Variants in ANAPC7 observed in about 807,000 individuals in gnomAD.
ANAPC7 encodes anaphase-promoting complex subunit 7.
A neutral mutation model predicts 63.3 loss-of-function variants in ANAPC7; 25 were observed. The observed-to-expected ratio is 0.39, with a 90% CI of 0.29 to 0.55. The LOEUF is 0.55. Among genes scored for constraint, ANAPC7 ranks in the 20% least tolerant of loss-of-function variants. ANAPC7 has a pLI of 0.57. For synonymous variants in ANAPC7, 241 were observed against 251.7 expected (o/e 0.96, Z 0.40); for missense variants, 516 against 691.7 (o/e 0.75, Z 2.85).
intron 10 of ANAPC7, among the ~76,000 whole-genome samples, chr12:110,374,592 C>T (rs893148094): frequency 1.3e-5 from 2 of 152,058 alleles, no homozygotes; most frequent in South Asian, 4.1e-4. Flanking sequence ...TTTTTCATAC[C>T]TATTACCCCT....
At chr12:110,392,136 A>C (rs1566273790) in intron 3 of ANAPC7, among the ~76,000 whole-genome samples, 3 of 151,500 alleles carry the variant, frequency 2.0e-5, no homozygotes, top group African/African-American at 7.3e-5. Context: ...CAAAAGGAAG[A>C]TACCTTGAGC....
At chr12:110,377,698 T>C in intron 8 of ANAPC7, 81 bp from the exon 9 acceptor site, 3 of 1,588,692 alleles carry the variant, frequency 1.9e-6, no homozygotes, top group Non-Finnish European at 2.6e-6. Flanking sequence ...CTCTCCAAAT[T>C]GCTAACCTTC....
At position 110,374,137 on chromosome 12, in the gene ANAPC7, C is replaced by T. The variant is rs748508339; in HGVS notation, c.*7G>A. ...CAGGCCACTGCGGCCATGGAGCTGC[C>T]GCCCCCTCACTGCATGCCGAACCAC... On this transcript the variant is annotated 3_prime_UTR_variant, in exon 11 of 11. Coordinates refer to ENST00000455511, the MANE Select transcript of ANAPC7 (RefSeq NM_016238.3). 3.1e-6 allele frequency: 5 copies of T among 1,602,916 alleles called. No homozygotes were observed. Among genetic ancestry groups the T allele is most frequent in the East Asian group, 2.2e-5 (1 of 44,812 alleles).
At chr12:110,401,350 C>A (rs1340152375) in intron 1 of ANAPC7, among the ~76,000 whole-genome samples, 1 of 152,150 alleles carries the variant, frequency 6.6e-6, no homozygotes, top group Admixed American at 6.5e-5. Flanking sequence ...AGGTTGTACT[C>A]ACTTCCTCAA....
chr12:110,387,565 A>G, intron 5 of ANAPC7, 174 bp downstream of exon 5: 1 of 654,424 alleles, frequency 1.5e-6, no homozygotes, highest in African/African-American at 1.8e-5. Context: ...TCCAACAGAG[A>G]TGATTACATG....
rs772400319 is a variant in ANAPC7, at chr12:110,377,500, C to A, written c.1250G>T (p.Cys417Phe). Residue 417 changes from cysteine (C) to phenylalanine (F), a missense_variant, in exon 9 of 11, where the codon TGT becomes TTT. This residue lies in a region of ANAPC7 where 122 missense variants were observed against 212.0 expected (regional missense o/e 0.58). Transcript: ENST00000455511. ...CTCCTGTGTCACTGGGTCTTCAAGACAAACGGTGGCTAAAAGGGTAAGGGT... is the reference window on the plus strand; with the variant it reads ...CTCCTGTGTCACTGGGTCTTCAAGAAAAACGGTGGCTAAAAGGGTAAGGGT... The part of the protein sequence containing the change: ...AQTLTLLATV[C>F]LEDPVTQEKA... 1 of 1,614,184 alleles carries A rather than the reference C, an allele frequency of 6.2e-7. No individual in the cohort carries two copies. The highest frequency in any genetic ancestry group is 8.5e-7 in the Non-Finnish European group (1 of 1,180,042).
chr12:110,398,235 ACT>A (rs1346877210), intron 1 of ANAPC7, among the ~76,000 whole-genome samples: 1 of 151,780 alleles, frequency 6.6e-6, no homozygotes, highest in African/African-American at 2.4e-5. Flanking sequence ...GACAAGTGAA[ACT>A]CTGTCTCAAA....
intron 6 of ANAPC7, among the ~76,000 whole-genome samples, chr12:110,383,495 CTGG>C (rs1317799306): frequency 1.3e-5 from 2 of 151,772 alleles, no homozygotes; most frequent in African/African-American, 4.8e-5. Flanking sequence ...TCCTGGCACT[CTGG>C]GTGGCAGAGG....
In ANAPC7 at chr12:110,377,442, G is replaced by A. The variant is rs1383542089; in HGVS notation, c.1308C>T (p.Thr436=). The part of the protein sequence containing the change: ...KAKTLLDKAL[T]QRPDYIKAVV... ...CAGCCTTAATGTAATCTGGCCTTTG[G>A]GTCAGGGCTTTATCTAATAATGTTT... Residue 436 remains threonine, a synonymous_variant, in exon 9 of 11, where the codon ACC becomes ACT. Transcript: ENST00000455511. 8.7e-6 allele frequency: 14 copies of A among 1,614,076 alleles called. No individual in the cohort carries two copies. Among genetic ancestry groups the A allele is most frequent in the South Asian group, 4.4e-5 (4 of 91,078 alleles).
intron 10 of ANAPC7, chr12:110,375,586 TA>T (rs755727221): frequency 3.1e-4 from 236 of 761,902 alleles, no homozygotes; most frequent in Non-Finnish European, 3.6e-4. Flanking sequence ...TAATATCTAA[TA>T]AGGTAGCTAG....
At chr12:110,377,310 A>G (rs1881379877) in intron 9 of ANAPC7, 83 bp downstream of exon 9, 1 of 1,212,310 alleles carries the variant, frequency 8.2e-7, no homozygotes. Context: ...GTCATCTGTA[A>G]CTAGCTGGGA....
At chr12:110,401,756 C>A (rs1001485319) in intron 1 of ANAPC7, among the ~76,000 whole-genome samples, 6 of 151,882 alleles carry the variant, frequency 4.0e-5, no homozygotes, top group African/African-American at 1.4e-4. Context: ...GAGGCCGAGG[C>A]GGGCGGATCA....
intron 3 of ANAPC7, 133 bp from the exon 4 acceptor site, chr12:110,388,756 A>G: frequency 1.5e-6 from 1 of 668,584 alleles, no homozygotes; most frequent in African/African-American, 1.8e-5. Flanking sequence ...CCCTGTGCAA[A>G]TAAAGGCAGA....
chr12:110,398,518 T>C (rs2062176436), intron 1 of ANAPC7, among the ~76,000 whole-genome samples: 1 of 152,214 alleles, frequency 6.6e-6, no homozygotes, highest in South Asian at 2.1e-4. Flanking sequence ...TTTAAAACTG[T>C]TTAACCTTGA....
intron 4 of ANAPC7, 138 bp from the exon 5 acceptor site, chr12:110,388,030 T>C (rs1199454042): frequency 2.2e-6 from 2 of 889,604 alleles, no homozygotes; most frequent in Admixed American, 5.7e-5. Context: ...AGAAAAACCA[T>C]AATTTAGTAT....
intron 3 of ANAPC7, among the ~76,000 whole-genome samples, chr12:110,392,945 G>A (rs370143087): frequency 2.6e-5 from 4 of 152,082 alleles, no homozygotes; most frequent in South Asian, 2.1e-4. Context: ...ACAGGCATGC[G>A]CCACCACACC....
rs193089961 is a variant in ANAPC7, at chr12:110,390,656, C to T, written c.409-2033G>A. ...AATAAAACTATTTTTTACTTGGCCT[C>T]AGATTTTCCATATTAGGCTACTATT... On this transcript the variant is annotated intron_variant, in intron 3 of 10. Transcript: ENST00000455511. Among the ~76,000 whole-genome samples the T allele has an allele frequency of 3.1e-4, 47 of 152,224 alleles. 1 individual carries two copies. The highest frequency in any genetic ancestry group is 1.0e-3 in the African/African-American group (43 of 41,536).
intron 10 of ANAPC7, 191 bp downstream of exon 10, chr12:110,375,872 ATGT>A: frequency 4.6e-6 from 6 of 1,305,878 alleles, no homozygotes; most frequent in Non-Finnish European, 4.9e-6. Context: ...CAGTTCTCTA[ATGT>A]TGTTAATATA....
rs756144574 is a variant in ANAPC7 at position 110,377,635 on chromosome 12, C to T, written c.1133-18G>A. ...GATAAGACCTGAAAAAAGTAAAACA[C>T]GTGAAGACATTCAATGCCATTACCA... On this transcript the variant is annotated intron_variant, in intron 8 of 10. Transcript: ENST00000455511. The T allele has an allele frequency of 1.1e-5, 18 of 1,613,898 alleles. No individual in the cohort carries two copies. Among genetic ancestry groups the T allele is most frequent in the Middle Eastern group, 1.6e-4 (1 of 6,084 alleles).
Sources: gnomAD v4.1 joint callset for allele counts (sites outside exome capture counted in the v4.1 genomes callset) on GRCh38, gnomAD v4.1.1 for gene constraint, gnomAD v4.1.1 regional missense constraint, MANE v1.5 for transcripts, NCBI Gene and HGNC (gene_info 2026-07-23, HGNC 2026-07-21) for gene names.